The following DIP2A variants were observed in gnomAD, a reference collection of about 807,000 sequenced individuals.
The protein encoded by DIP2A is disco-interacting protein 2 homolog A.
In DIP2A, 85 loss-of-function variants were observed where a neutral mutation model predicts 177.4. The ratio of observed to expected loss-of-function variants is 0.48; its 90% CI spans 0.40 to 0.57. The LOEUF is 0.57. Among genes scored for constraint, DIP2A ranks in the 20% least tolerant of loss-of-function variants. DIP2A has a pLI of 0.00. For missense variants in DIP2A, 1,791 were observed against 2,100.2 expected (o/e 0.85, Z 2.88); for synonymous variants, 886 against 881.8 (o/e 1.00, Z -0.08).
chr21:46,539,670 C>T lies in DIP2A; in HGVS notation c.1922-207C>T. On this transcript the variant is annotated intron_variant, in intron 16 of 37. Coordinates refer to ENST00000417564, the MANE Select transcript of DIP2A (RefSeq NM_015151.4). ...TCTGCCCTTTGGAGCACCAGACCAT[C>T]CATGGCTGTCTGATTTCCTTTAAAG... 4 of 596,844 alleles carry T rather than the reference C, an allele frequency of 6.7e-6. No homozygotes were observed. The Admixed American group carries it at 9.7e-5, about 14-fold the overall frequency. 37.0% of individuals were successfully genotyped at this position (596,844 alleles called of 1,614,324 possible).
At chr21:46,530,348 A>G (rs1601698398) in intron 9 of DIP2A, among the ~76,000 whole-genome samples, 1 of 152,208 alleles carries the variant, frequency 6.6e-6, no homozygotes, top group East Asian at 1.9e-4. Flanking sequence ...AGGACTTTTA[A>G]GAAGGAAATG....
At chr21:46,464,291 G>C (rs1366758175) in intron 1 of DIP2A, among the ~76,000 whole-genome samples, 1 of 152,038 alleles carries the variant, frequency 6.6e-6, no homozygotes, top group Non-Finnish European at 1.5e-5. Flanking sequence ...TACTTGGGAG[G>C]CTGAGGCAGG....
chr21:46,477,188 A>C (rs1399114102), intron 1 of DIP2A, among the ~76,000 whole-genome samples: 1 of 152,000 alleles, frequency 6.6e-6, no homozygotes, highest in East Asian at 1.9e-4. Flanking sequence ...TACTCCTCCC[A>C]TGGTAAGTCA....
In DIP2A at chr21:46,566,557, C is replaced by T; in HGVS notation, c.4340-3C>T. ...GGCACGTGTAAACACACACTGTTCA[C>T]AGGGCGGCACGATGCACTGTATGTG... On this transcript the variant is annotated splice_region_variant and splice_polypyrimidine_tract_variant and intron_variant, in intron 36 of 37. Coordinates refer to ENST00000417564, the MANE Select transcript of DIP2A (RefSeq NM_015151.4). 2 of 1,614,038 alleles carry T rather than the reference C, an allele frequency of 1.2e-6. No homozygotes were observed. Among genetic ancestry groups the T allele is most frequent in the Non-Finnish European group, 1.7e-6 (2 of 1,179,894 alleles).
At chr21:46,494,947 G>T (rs932582806) in intron 3 of DIP2A, among the ~76,000 whole-genome samples, 3 of 152,114 alleles carry the variant, frequency 2.0e-5, no homozygotes, top group Non-Finnish European at 2.9e-5. Flanking sequence ...TTTTAAGTGA[G>T]GATGGTGTTT....
intron 8 of DIP2A, among the ~76,000 whole-genome samples, chr21:46,512,930 G>A (rs557455762): frequency 3.9e-5 from 6 of 152,140 alleles, no homozygotes; most frequent in Non-Finnish European, 8.8e-5. Context: ...AAAGTGCTGG[G>A]ATTACAAGTG....
chr21:46,501,065 A>G (rs532142946), intron 5 of DIP2A, among the ~76,000 whole-genome samples: 1 of 152,360 alleles, frequency 6.6e-6, no homozygotes, highest in South Asian at 2.1e-4. Flanking sequence ...GGACATAGTT[A>G]ATTTGAATTT....
chr21:46,549,930 T>C (rs752787486), intron 22 of DIP2A, 45 bp downstream of exon 22: 7 of 1,603,968 alleles, frequency 4.4e-6, no homozygotes, highest in Middle Eastern at 1.7e-4. Context: ...TCTCCCAAGC[T>C]GGCACCCCCA....
downstream of DIP2A, among the ~76,000 whole-genome samples, chr21:46,573,645 C>CAAAAAAAAA (rs201994694): frequency 7.7e-4 from 41 of 52,970 alleles, 2 homozygotes; most frequent in Admixed American, 1.3e-3. Flanking sequence ...CCCTCTCTCA[C>CAAAAAAAAA]AAAAAAAAAA....
chr21:46,567,285 C>G, intron 37 of DIP2A, 85 bp from the exon 38 acceptor site: 2 of 1,532,830 alleles, frequency 1.3e-6, no homozygotes, highest in Non-Finnish European at 1.8e-6. Flanking sequence ...CTTCACTCTT[C>G]TTTGTGCCAC....
At chr21:46,572,752 C>T (rs1406079143), downstream of DIP2A, among the ~76,000 whole-genome samples, 6 of 152,124 alleles carry the variant, frequency 3.9e-5, no homozygotes, top group African/African-American at 1.2e-4. Context: ...TATAATGTAG[C>T]CAATTTCAGG....
Position 46,560,800 on chromosome 21 carries a change from G to A in DIP2A, c.4031+17G>A. ...CCATGACAGGTAATGCTCCCAGCCT[G>A]CCTGGGCCCCATGGATACCCAGTGG... On this transcript the variant is annotated intron_variant, in intron 33 of 37. Coordinates refer to ENST00000417564, the MANE Select transcript of DIP2A (RefSeq NM_015151.4). The A allele has an allele frequency of 1.9e-6, 3 of 1,597,542 alleles. No individual in the cohort carries two copies. The highest frequency in any genetic ancestry group is 1.7e-6 in the Non-Finnish European group (2 of 1,172,408).
At chr21:46,488,106 C>A (rs1038074933) in intron 2 of DIP2A, among the ~76,000 whole-genome samples, 1 of 152,008 alleles carries the variant, frequency 6.6e-6, no homozygotes, top group Non-Finnish European at 1.5e-5. Flanking sequence ...ACAGAGTACA[C>A]GACCCAGTCA....
At chr21:46,491,680 A>T (rs2057024121) in intron 3 of DIP2A, among the ~76,000 whole-genome samples, 1 of 152,204 alleles carries the variant, frequency 6.6e-6, no homozygotes, top group South Asian at 2.1e-4. Context: ...TCATGCCTGG[A>T]TGCAGATGCA....
chr21:46,521,896 T>G (rs2058839916), intron 8 of DIP2A, among the ~76,000 whole-genome samples: 1 of 152,184 alleles, frequency 6.6e-6, no homozygotes, highest in African/African-American at 2.4e-5. Flanking sequence ...AAAATCCACA[T>G]TCCCATGACT....
the DIP2A span, among the ~76,000 whole-genome samples, chr21:46,577,994 T>G: frequency 6.6e-6 from 1 of 152,214 alleles, no homozygotes; most frequent in Non-Finnish European, 1.5e-5. Flanking sequence ...ATCCTGAGAC[T>G]TTGCTGAAGT....
Position 46,537,433 on chromosome 21 carries a change from T to C in DIP2A, c.1708-13T>C. ...CGGGCCCACTCGCCCTAAGCATGTG[T>C]GCTCCCCCACAGAGCGTCATGAACA... On this transcript the variant is annotated splice_polypyrimidine_tract_variant and intron_variant, in intron 14 of 37. Transcript: ENST00000417564. The surrounding 1 kb of genome is among the most constrained non-coding windows in gnomAD (Gnocchi z 4.1). 1 of 1,613,970 alleles carries C rather than the reference T, an allele frequency of 6.2e-7. No homozygotes were observed. Among genetic ancestry groups the C allele is most frequent in the Non-Finnish European group, 8.5e-7 (1 of 1,179,912 alleles).
At position 46,555,976 on chromosome 21, in the gene DIP2A, T is replaced by C. The variant is rs962639166; in HGVS notation, c.3389-6T>C. On this transcript the variant is annotated splice_polypyrimidine_tract_variant and splice_region_variant and intron_variant, in intron 28 of 37. Transcript: ENST00000417564. Reference sequence around the variant, plus strand: ...ACTAATGTTGCTGGTGTCTCCTGTTTAACAGATGACATCCCAAAAAAGAAG... The same window carrying C: ...ACTAATGTTGCTGGTGTCTCCTGTTCAACAGATGACATCCCAAAAAAGAAG... 3.7e-6 allele frequency: 6 copies of C among 1,603,768 alleles called. 1 individual carries two copies. In the Middle Eastern group the frequency reaches 6.6e-4, roughly 177 times the overall value.
chr21:46,555,963 G>A lies in DIP2A; in HGVS notation c.3389-19G>A. The A allele has an allele frequency of 2.6e-6, 4 of 1,563,630 alleles. No homozygotes were observed. Among genetic ancestry groups the A allele is most frequent in the Non-Finnish European group, 3.5e-6 (4 of 1,134,034 alleles). On this transcript the variant is annotated intron_variant, in intron 28 of 37. Coordinates refer to ENST00000417564, the MANE Select transcript of DIP2A (RefSeq NM_015151.4). ...TACATGTGGGAACACTAATGTTGCT[G>A]GTGTCTCCTGTTTAACAGATGACAT...
Sources: allele counts gnomAD v4.1 joint callset (sites outside exome capture counted in the v4.1 genomes callset), GRCh38; gene constraint gnomAD v4.1.1; non-coding constraint Gnocchi (gnomAD v3.1); transcripts MANE v1.5; gene names NCBI Gene and HGNC (gene_info 2026-07-23, HGNC 2026-07-21).